Variants in RBMS3 observed in about 807,000 individuals in gnomAD.
The protein encoded by RBMS3 is RNA binding motif single stranded interacting protein 3.
A neutral mutation model predicts 66.8 loss-of-function variants in RBMS3; 27 were observed. That is an observed-to-expected ratio of 0.40 (90% CI 0.30 to 0.56). The LOEUF (loss-of-function observed/expected upper bound fraction) is 0.56. RBMS3 is among the 20% of genes least tolerant of loss of function. RBMS3 has a pLI of 0.40. For synonymous variants in RBMS3, 188 were observed against 183.0 expected (o/e 1.03, Z -0.22); for missense variants, 513 against 549.5 (o/e 0.93, Z 0.66).
chr3:29,425,128 G>A (rs560114772), intron 1 of RBMS3, among the ~76,000 whole-genome samples: 2 of 150,044 alleles, frequency 1.3e-5, no homozygotes, highest in East Asian at 2.0e-4. Flanking sequence ...CGGATCACAA[G>A]GTCAGGAGAT....
At chr3:29,422,654 G>C (rs2040801544) in intron 1 of RBMS3, among the ~76,000 whole-genome samples, 1 of 151,788 alleles carries the variant, frequency 6.6e-6, no homozygotes, top group Admixed American at 6.6e-5. Context: ...TTTATCATGA[G>C]GTATTTTTTT....
chr3:29,990,895 A>C (rs989895814), intron 13 of RBMS3, among the ~76,000 whole-genome samples, 187 bp from the exon 14 acceptor site: 1 of 152,172 alleles, frequency 6.6e-6, no homozygotes, highest in South Asian at 2.1e-4. Flanking sequence ...TTGGTGTCAC[A>C]TTAGGATGAA....
intron 6 of RBMS3, among the ~76,000 whole-genome samples, chr3:29,854,254 T>C (rs1559740190): frequency 6.6e-6 from 1 of 152,190 alleles, no homozygotes. Flanking sequence ...TGCTGCCATG[T>C]TGTGTTTCCG....
intron 6 of RBMS3, among the ~76,000 whole-genome samples, chr3:29,815,822 C>T (rs2057873456): frequency 6.6e-6 from 1 of 152,114 alleles, no homozygotes; most frequent in Middle Eastern, 3.4e-3. Context: ...TAAAAGACTA[C>T]ACATTGGGTA....
chr3:29,510,559 A>G (rs1283306708), intron 3 of RBMS3, among the ~76,000 whole-genome samples: 1 of 150,414 alleles, frequency 6.6e-6, no homozygotes, highest in Non-Finnish European at 1.5e-5. Context: ...GAAGTATTTC[A>G]GATTTCAGAT....
intron 1 of RBMS3, among the ~76,000 whole-genome samples, chr3:29,361,521 G>A (rs2037589147): frequency 6.6e-6 from 1 of 152,108 alleles, no homozygotes; most frequent in Admixed American, 6.5e-5. Context: ...TGACAATTAT[G>A]TGTCTTGGAG....
At chr3:29,958,444 T>A (rs34558159) in intron 12 of RBMS3, among the ~76,000 whole-genome samples, 3,936 of 152,208 alleles carry the variant, frequency 0.026, 122 homozygotes, top group East Asian at 0.17. Context: ...AGGTATTTTT[T>A]AAATTCCTTT....
chr3:29,810,002 T>G (rs2149456594), intron 6 of RBMS3, among the ~76,000 whole-genome samples: 1 of 152,198 alleles, frequency 6.6e-6, no homozygotes, highest in Admixed American at 6.5e-5. Flanking sequence ...TGATCCGGTG[T>G]TTTAAGGAAT....
At chr3:29,378,330 G>C (rs760958188) in intron 1 of RBMS3, among the ~76,000 whole-genome samples, 1 of 152,020 alleles carries the variant, frequency 6.6e-6, no homozygotes, top group African/African-American at 2.4e-5. Flanking sequence ...AAATTAGCCG[G>C]GGGTGGTGGT....
At chr3:29,591,856 A>G (rs1256099493) in intron 4 of RBMS3, among the ~76,000 whole-genome samples, 1 of 152,184 alleles carries the variant, frequency 6.6e-6, no homozygotes, top group Non-Finnish European at 1.5e-5. Flanking sequence ...AGACTTCATC[A>G]GGTGTACTAC....
chr3:29,962,415 G>A (rs902054923), intron 12 of RBMS3, among the ~76,000 whole-genome samples: 1 of 151,918 alleles, frequency 6.6e-6, no homozygotes, highest in African/African-American at 2.4e-5. Context: ...GGTCTGAAGA[G>A]GAGGGAGGCA....
chr3:29,490,827 C>A (rs762666005), intron 3 of RBMS3, among the ~76,000 whole-genome samples: 1 of 151,994 alleles, frequency 6.6e-6, no homozygotes, highest in Non-Finnish European at 1.5e-5. Flanking sequence ...CATTAGAATG[C>A]GAATTATAGT....
chr3:29,843,276 A>G (rs1412582411), intron 6 of RBMS3, among the ~76,000 whole-genome samples: 3 of 152,216 alleles, frequency 2.0e-5, no homozygotes. Context: ...TATTTTTAGA[A>G]GACAAATTTT....
intron 1 of RBMS3, among the ~76,000 whole-genome samples, chr3:29,320,264 A>T (rs148796475): frequency 6.6e-6 from 1 of 152,042 alleles, no homozygotes; most frequent in African/African-American, 2.4e-5. Context: ...GTTCTACAAA[A>T]TAGGAGAACT....
At chr3:29,509,807 A>G (rs1434910344) in intron 3 of RBMS3, among the ~76,000 whole-genome samples, 1 of 152,216 alleles carries the variant, frequency 6.6e-6, no homozygotes, top group Non-Finnish European at 1.5e-5. Flanking sequence ...GCTTATCAAG[A>G]GTGAGAATTG....
chr3:29,334,459 A>G (rs1032590244), intron 1 of RBMS3, among the ~76,000 whole-genome samples: 2 of 152,134 alleles, frequency 1.3e-5, no homozygotes, highest in African/African-American at 4.8e-5. Context: ...TCGTGTCTCT[A>G]TATTTTTAAG....
chr3:29,590,952 A>G (rs2047712700), intron 4 of RBMS3, among the ~76,000 whole-genome samples: 1 of 152,156 alleles, frequency 6.6e-6, no homozygotes, highest in South Asian at 2.1e-4. Flanking sequence ...AAGAGAAAAA[A>G]GCAAATAGAT....
chr3:29,932,219 A>G lies in RBMS3; in HGVS notation c.940-3867A>G, dbSNP rs184036117. Among the ~76,000 whole-genome samples, 160 of 152,306 alleles carry G rather than the reference A, an allele frequency of 1.1e-3. 1 individual carries two copies. The highest frequency in any genetic ancestry group is 1.7e-3 in the Non-Finnish European group (117 of 68,014). ...GATAATATTTCTAGGTCAGCCCATC[A>G]AAAATGCAGGCTTAGCCCCTTTGAA... On this transcript the variant is annotated intron_variant, in intron 10 of 14. Coordinates refer to ENST00000383767, the MANE Select transcript of RBMS3 (RefSeq NM_001003793.3).
intron 1 of RBMS3, among the ~76,000 whole-genome samples, chr3:29,282,158 G>T (rs555476612): frequency 2.6e-5 from 4 of 152,186 alleles, no homozygotes; most frequent in African/African-American, 9.6e-5. Context: ...GCTCTAAAAG[G>T]GTTTTTCCCA....
Sources: allele counts gnomAD v4.1 joint callset (sites outside exome capture counted in the v4.1 genomes callset), GRCh38; gene constraint gnomAD v4.1.1; transcripts MANE v1.5; gene names NCBI Gene and HGNC (gene_info 2026-07-23, HGNC 2026-07-21).